The following DNAAF5 variants were observed in gnomAD, a reference collection of about 807,000 sequenced individuals.
The protein encoded by DNAAF5 is dynein axonemal assembly factor 5.
DNAAF5 carries 64 observed loss-of-function variants against 75.8 expected under a neutral mutation model. The observed-to-expected ratio is 0.84, with a 90% confidence interval of 0.69 to 1.04. The LOEUF (loss-of-function observed/expected upper bound fraction) is 1.04. DNAAF5 is among the 50% of genes least tolerant of loss of function. The probability of loss-of-function intolerance (pLI) is 0.00; values close to 1 mark genes in which losing one functional copy is unlikely to be tolerated. For synonymous variants in DNAAF5, 657 were observed against 557.2 expected (o/e 1.18, Z -2.52); for missense variants, 1,269 against 1,178.5 (o/e 1.08, Z -1.12).
intron 2 of DNAAF5, among the ~76,000 whole-genome samples, chr7:739,089 GCCACGCC>G (rs1562377049): frequency 6.7e-5 from 9 of 134,932 alleles, no homozygotes; most frequent in African/African-American, 2.1e-4. Flanking sequence ...GCTTGTCTCA[GCCACGCC>G]CTCTGCCCCA....
intron 12 of DNAAF5, 44 bp from the exon 13 acceptor site, chr7:785,473 C>T (rs370130046): frequency 1.0e-4 from 163 of 1,600,664 alleles, no homozygotes; most frequent in East Asian, 4.3e-4. Context: ...AGATTGGTTT[C>T]ATGTTTGTTT....
Position 775,015 on chromosome 7 carries a change from G to A in DNAAF5, c.2092G>A (p.Val698Met), listed in dbSNP as rs1438600036. The change falls in exon 11 of 13, where the codon GTG becomes ATG. Residue 698 changes from valine (V) to methionine (M), a missense_variant. Val to Met is a conservative substitution (Grantham distance 21). Coordinates refer to ENST00000297440, the MANE Select transcript of DNAAF5 (RefSeq NM_017802.4). The stretch of plus-strand genomic sequence containing the variant: ...TGTTTGCTGATTGCAGATACGGGAC[G>A]TGCAGGAAACACTGATGCCCCAGGT... ...EVLSAEQIRD[V>M]QETLMPQVLT... 3.1e-6 allele frequency: 5 copies of A among 1,613,838 alleles called. No homozygotes were observed. Among genetic ancestry groups the A allele is most frequent in the Middle Eastern group, 1.7e-4 (1 of 6,024 alleles).
At position 780,142 on chromosome 7, in the gene DNAAF5, T is replaced by C. The variant is rs1210907939; in HGVS notation, c.2429T>C (p.Leu810Ser). ...GAGAGGGCCATCCAGGATGCAATTT[T>C]AGGTGAGACTCCGACGGCTTGGCCT... ...DPERAIQDAILEVLKEGSGLF... is the reference protein window; with the variant it reads ...DPERAIQDAISEVLKEGSGLF... Residue 810 changes from leucine (L) to serine (S), a missense_variant and splice_region_variant, in exon 12 of 13, where the codon TTA becomes TCA. By Grantham distance (145) the Leu-to-Ser change is moderately radical. Transcript: ENST00000297440. The C allele has an allele frequency of 2.5e-6, 4 of 1,613,520 alleles. No individual in the cohort carries two copies. The highest frequency in any genetic ancestry group is 1.7e-6 in the Non-Finnish European group (2 of 1,179,666).
rs367814578 is a variant in DNAAF5 at position 729,746 on chromosome 7, G to A, written c.679G>A (p.Ala227Thr). The change falls in exon 2 of 13, where the codon GCC becomes ACC. Residue 227 changes from alanine to threonine, a missense_variant. Physicochemically the swap from Ala to Thr is moderately conservative, Grantham distance 58 (BLOSUM62 0). Coordinates refer to ENST00000297440, the MANE Select transcript of DNAAF5 (RefSeq NM_017802.4). ...CCAGCACTGGAAGGTCCGTGTGGCCGCCATTGAAGCCACAGGCGCAGTGAT... is the reference window on the plus strand; with the variant it reads ...CCAGCACTGGAAGGTCCGTGTGGCCACCATTGAAGCCACAGGCGCAGTGAT... ...SHQHWKVRVAAIEATGAVIHF... is the reference protein window; with the variant it reads ...SHQHWKVRVATIEATGAVIHF... The A allele has an allele frequency of 1.2e-5, 20 of 1,614,024 alleles. No homozygotes were observed. In the African/African-American group the frequency reaches 2.0e-4, roughly 16 times the overall value.
At chr7:755,849 G>T (rs1016357432) in intron 5 of DNAAF5, among the ~76,000 whole-genome samples, 1 of 152,210 alleles carries the variant, frequency 6.6e-6, no homozygotes, top group Non-Finnish European at 1.5e-5. Flanking sequence ...AAAATTGTCT[G>T]TAGTTCTCTG....
At chr7:737,417 T>C (rs1781771121) in intron 2 of DNAAF5, among the ~76,000 whole-genome samples, 1 of 152,234 alleles carries the variant, frequency 6.6e-6, no homozygotes. Context: ...TTTCATAGGC[T>C]CATCTTTTAG....
intron 9 of DNAAF5, 125 bp from the exon 10 acceptor site, chr7:773,923 G>T: frequency 1.9e-6 from 2 of 1,062,652 alleles, no homozygotes; most frequent in Non-Finnish European, 2.9e-6. Context: ...GAGGGGCCTC[G>T]TGTTTTGGGG....
intron 9 of DNAAF5, chr7:770,947 A>G (rs564399868): frequency 9.5e-4 from 112 of 118,472 alleles, no homozygotes; most frequent in African/African-American, 4.8e-3. Flanking sequence ...CAGCTAGTCC[A>G]TCCTCACTGG....
Position 779,949 on chromosome 7 carries a change from C to T in DNAAF5, c.2240-4C>T. 6.2e-7 allele frequency: 1 copy of T among 1,613,716 alleles called. No homozygotes were observed. The highest frequency in any genetic ancestry group is 8.5e-7 in the Non-Finnish European group (1 of 1,179,720). On this transcript the variant is annotated splice_region_variant and splice_polypyrimidine_tract_variant and intron_variant, in intron 11 of 12. Coordinates refer to ENST00000297440, the MANE Select transcript of DNAAF5 (RefSeq NM_017802.4). ...CACACACCTGTCTCGCTCCCTCCTT[C>T]CAGAACTCTTAAAACGCCTAGATGA...
chr7:774,006 C>A, intron 9 of DNAAF5, 42 bp from the exon 10 acceptor site: 1 of 1,612,798 alleles, frequency 6.2e-7, no homozygotes, highest in Non-Finnish European at 8.5e-7. Context: ...CTTCCGAGCA[C>A]CTGTCCGGTC....
intron 6 of DNAAF5, among the ~76,000 whole-genome samples, chr7:759,979 C>G (rs1782593778): frequency 6.6e-6 from 1 of 152,150 alleles, no homozygotes; most frequent in Admixed American, 6.5e-5. Flanking sequence ...TGGGAAAAAT[C>G]AGGAATGGAA....
chr7:737,474 T>G (rs1234650200), intron 2 of DNAAF5, among the ~76,000 whole-genome samples: 2 of 152,226 alleles, frequency 1.3e-5, no homozygotes, highest in East Asian at 3.8e-4. Flanking sequence ...AGTTACAGTG[T>G]TACAACATTG....
intron 12 of DNAAF5, among the ~76,000 whole-genome samples, chr7:781,024 T>G (rs994864273): frequency 6.6e-6 from 1 of 152,152 alleles, no homozygotes; most frequent in African/African-American, 2.4e-5. Context: ...ACTTACACTT[T>G]CTTTGTGTTA....
chr7:730,628 G>A (rs927545530), intron 2 of DNAAF5, among the ~76,000 whole-genome samples: 4 of 152,190 alleles, frequency 2.6e-5, no homozygotes, highest in Non-Finnish European at 5.9e-5. Flanking sequence ...CCTCGTCTGT[G>A]CTGCTGGGGT....
Position 727,098 on chromosome 7 carries a change from C to T in DNAAF5, c.378C>T (p.Ala126=). ...RLLPALAARL[A]GPVPARRPPE... ...TGCCCGCGCTCGCCGCGCGCTTGGC[C>T]GGCCCCGTGCCCGCGCGCCGCCCGC... The change falls in exon 1 of 13, where the codon GCC becomes GCT. Residue 126 remains alanine (A), a synonymous_variant. Transcript: ENST00000297440. 9.3e-7 allele frequency: 1 copy of T among 1,071,284 alleles called. No individual in the cohort carries two copies. Among genetic ancestry groups the T allele is most frequent in the Non-Finnish European group, 1.1e-6 (1 of 888,956 alleles). The allele number at this position is 1,071,284 out of a possible 1,614,324, so 66.4% of individuals were successfully genotyped here.
At chr7:729,906 G>C in intron 2 of DNAAF5, 59 bp downstream of exon 2, 1 of 1,545,826 alleles carries the variant, frequency 6.5e-7, no homozygotes, top group East Asian at 2.3e-5. Context: ...GGGCTGACGT[G>C]CTGTTTTTAA....
At chr7:762,815 C>T (rs1782706222) in intron 7 of DNAAF5, among the ~76,000 whole-genome samples, 1 of 152,140 alleles carries the variant, frequency 6.6e-6, no homozygotes, top group African/African-American at 2.4e-5. Context: ...GGTTTTGCCA[C>T]GTTGGCCAGG....
Position 726,744 on chromosome 7 carries a change from G to A in DNAAF5, c.24G>A (p.Glu8=), listed in dbSNP as rs1781307658. Residue 8 remains glutamate, a synonymous_variant, in exon 1 of 13, where the codon GAG becomes GAA. Transcript: ENST00000297440. ...AGATGGCGGCGCTGGGGGTGGCGGAGGCCGTGGCGGCCCCACACCCGGCTG... is the reference window on the plus strand; with the variant it reads ...AGATGGCGGCGCTGGGGGTGGCGGAAGCCGTGGCGGCCCCACACCCGGCTG... MAALGVA[E]AVAAPHPAEG... is the part of the protein sequence containing the mutation. 9 of 1,245,462 alleles carry A rather than the reference G, an allele frequency of 7.2e-6. No homozygotes were observed. Among genetic ancestry groups the A allele is most frequent in the Non-Finnish European group, 9.0e-6 (9 of 996,124 alleles). 77.2% of individuals were successfully genotyped at this position (1,245,462 alleles called of 1,614,324 possible).
intron 1 of DNAAF5, among the ~76,000 whole-genome samples, chr7:729,141 C>T (rs1263855722): frequency 6.6e-6 from 1 of 152,080 alleles, no homozygotes; most frequent in Non-Finnish European, 1.5e-5. Context: ...GGATTACAGG[C>T]GCCTGCCACC....
Sources: gnomAD v4.1 joint callset for allele counts (sites outside exome capture counted in the v4.1 genomes callset) on GRCh38, gnomAD v4.1.1 for gene constraint, MANE v1.5 for transcripts, NCBI Gene and HGNC (gene_info 2026-07-23, HGNC 2026-07-21) for gene names.